Variants in FARS2 observed in about 807,000 individuals in gnomAD.
FARS2 encodes the protein phenylalanyl-tRNA synthetase 2, mitochondrial.
In FARS2, 40 loss-of-function variants were observed where a neutral mutation model predicts 46.4. The ratio of observed to expected loss-of-function variants is 0.86; its 90% CI spans 0.67 to 1.12. The LOEUF is 1.12. FARS2 is among the 50% of genes most tolerant of loss of function. The probability of loss-of-function intolerance (pLI) is 0.00; values close to 1 mark genes in which losing one functional copy is unlikely to be tolerated. For missense variants in FARS2, 513 were observed against 567.9 expected (o/e 0.90, Z 0.98); for synonymous variants, 234 against 214.9 (o/e 1.09, Z -0.78).
At chr6:5,607,924 T>C (rs998540418) in intron 5 of FARS2, among the ~76,000 whole-genome samples, 1 of 151,372 alleles carries the variant, frequency 6.6e-6, no homozygotes, top group Non-Finnish European at 1.5e-5. Context: ...TGAGAGGTCA[T>C]ATACCTTTCA....
chr6:5,417,704 T>C (rs1255237079), intron 3 of FARS2, among the ~76,000 whole-genome samples: 3 of 152,232 alleles, frequency 2.0e-5, no homozygotes, highest in South Asian at 2.1e-4. Context: ...TTGATTATGA[T>C]GTACATAGAT....
intron 3 of FARS2, among the ~76,000 whole-genome samples, chr6:5,413,888 A>T (rs1762075419): frequency 1.3e-5 from 2 of 152,152 alleles, no homozygotes; most frequent in Admixed American, 1.3e-4. Context: ...TCAGAGGATA[A>T]GCTGTATTTT....
intron 6 of FARS2, among the ~76,000 whole-genome samples, chr6:5,642,161 T>A (rs1274689836): frequency 1.3e-5 from 2 of 152,230 alleles, no homozygotes; most frequent in Non-Finnish European, 2.9e-5. Context: ...TGTGTATGTC[T>A]GTATGTGTGT....
At chr6:5,301,442 C>T (rs1264735289) in intron 1 of FARS2, among the ~76,000 whole-genome samples, 1 of 152,052 alleles carries the variant, frequency 6.6e-6, no homozygotes, top group African/African-American at 2.4e-5. Context: ...TAGAATGAGA[C>T]CCTGTCTCTA....
At chr6:5,282,064 T>A (rs1189993028) in intron 1 of FARS2, among the ~76,000 whole-genome samples, 1 of 152,222 alleles carries the variant, frequency 6.6e-6, no homozygotes, top group Admixed American at 6.5e-5. Flanking sequence ...ACTTCCTAGC[T>A]TGTCAGTATA....
chr6:5,680,338 G>A (rs1373163944), intron 6 of FARS2, among the ~76,000 whole-genome samples: 2 of 152,140 alleles, frequency 1.3e-5, no homozygotes, highest in Non-Finnish European at 2.9e-5. Context: ...CATGGGTTAC[G>A]CATAAGCATC....
chr6:5,445,002 T>G (rs1222068065), intron 4 of FARS2, among the ~76,000 whole-genome samples: 1 of 152,204 alleles, frequency 6.6e-6, no homozygotes, highest in Non-Finnish European at 1.5e-5. Context: ...GGGGCCTAAA[T>G]TATATAATTT....
intron 4 of FARS2, among the ~76,000 whole-genome samples, chr6:5,488,754 CTGGCTTTTATT>C (rs1341854609): frequency 9.2e-5 from 14 of 152,100 alleles, no homozygotes; most frequent in Non-Finnish European, 1.8e-4. Flanking sequence ...CTTTCAGTCT[CTGGCTTTTATT>C]TGGCTTTTAA....
rs144953068 is a variant in FARS2 at position 5,532,523 on chromosome 6, G to A, written c.905-12657G>A. 5.3e-3 allele frequency among the ~76,000 whole-genome samples: 811 copies of A among 152,240 alleles called. 14 individuals carry two copies. The highest frequency in any genetic ancestry group is 0.019 in the African/African-American group (781 of 41,530). ...TCCCAGCACTTTGGGAGGCCGAGGC[G>A]GGTGGATCACAGCGTCAGGCGTTCC... On this transcript the variant is annotated intron_variant, in intron 4 of 6. Transcript: ENST00000274680.
chr6:5,738,237 A>ATAATG (rs1393843245), intron 6 of FARS2, among the ~76,000 whole-genome samples: 2 of 152,180 alleles, frequency 1.3e-5, no homozygotes, highest in African/African-American at 4.8e-5. Context: ...AGGCATAAGC[A>ATAATG]CCACACCCAG....
At chr6:5,636,916 A>G (rs62385469) in intron 6 of FARS2, among the ~76,000 whole-genome samples, 10 of 152,258 alleles carry the variant, frequency 6.6e-5, no homozygotes, top group Non-Finnish European at 1.3e-4. Flanking sequence ...AAGGGACCTC[A>G]GGTAGTGAGC....
chr6:5,689,596 G>C (rs1453980116), intron 6 of FARS2, among the ~76,000 whole-genome samples: 1 of 152,100 alleles, frequency 6.6e-6, no homozygotes, highest in Non-Finnish European at 1.5e-5. Context: ...TTTTACATTT[G>C]CTGAGGAGTG....
chr6:5,306,160 C>A (rs775840216), intron 1 of FARS2, among the ~76,000 whole-genome samples: 6 of 152,128 alleles, frequency 3.9e-5, no homozygotes, highest in Non-Finnish European at 8.8e-5. Flanking sequence ...TGACTGAAAT[C>A]TAAACGTCAG....
chr6:5,711,523 G>A (rs1378152973), intron 6 of FARS2, among the ~76,000 whole-genome samples: 5 of 152,168 alleles, frequency 3.3e-5, no homozygotes, highest in South Asian at 2.1e-4. Context: ...CAAGGCCAAC[G>A]TCAAGAGTGA....
chr6:5,399,127 TTTATTATTATTATTATTA>T (rs56236107), intron 2 of FARS2, among the ~76,000 whole-genome samples: 112 of 125,814 alleles, frequency 8.9e-4, no homozygotes, highest in Middle Eastern at 3.9e-3. Context: ...TTTATATTAT[TTTATTATTATTATTATTA>T]TTATTATTAT....
At position 5,598,591 on chromosome 6, in the gene FARS2, G is replaced by A. The variant is rs1327293343; in HGVS notation, c.1066-14578G>A. ...CTGGGTATTTCTGTCACCAAAAGGG[G>A]TACAAAACAATGCTTCCAACACAGG... On this transcript the variant is annotated intron_variant, in intron 5 of 6. Coordinates refer to ENST00000274680, the MANE Select transcript of FARS2 (RefSeq NM_006567.5). Among the ~76,000 whole-genome samples the A allele has an allele frequency of 2.6e-5, 4 of 152,126 alleles. No homozygotes were observed. The East Asian group carries it at 7.7e-4, about 29-fold the overall frequency.
At chr6:5,733,286 A>G (rs1760754425) in intron 6 of FARS2, among the ~76,000 whole-genome samples, 1 of 152,196 alleles carries the variant, frequency 6.6e-6, no homozygotes, top group African/African-American at 2.4e-5. Context: ...AAAAGCAAAG[A>G]TGAATGGAAT....
At chr6:5,449,776 A>G (rs1294566454) in intron 4 of FARS2, among the ~76,000 whole-genome samples, 2 of 152,232 alleles carry the variant, frequency 1.3e-5, no homozygotes, top group Non-Finnish European at 2.9e-5. Flanking sequence ...AAATGTTCCA[A>G]TGAGCATTTC....
chr6:5,457,185 G>A (rs1764944621), intron 4 of FARS2, among the ~76,000 whole-genome samples: 2 of 152,290 alleles, frequency 1.3e-5, no homozygotes, highest in East Asian at 1.9e-4. Context: ...AGGCCATTGT[G>A]TGTGTGTTCA....
Sources: allele counts gnomAD v4.1 joint callset (sites outside exome capture counted in the v4.1 genomes callset), GRCh38; gene constraint gnomAD v4.1.1; transcripts MANE v1.5; gene names NCBI Gene and HGNC (gene_info 2026-07-23, HGNC 2026-07-21).